Variants in SMYD3 observed in about 807,000 individuals in gnomAD.
SMYD3 encodes the protein histone-lysine N-methyltransferase SMYD3.
SMYD3 carries 36 observed loss-of-function variants against 57.7 expected under a neutral mutation model. That is an observed-to-expected ratio of 0.62 (90% CI 0.48 to 0.82). The LOEUF (loss-of-function observed/expected upper bound fraction) is 0.82. Among genes scored for constraint, SMYD3 ranks in the 40% least tolerant of loss-of-function variants. The pLI is 0.00. For missense variants in SMYD3, 515 were observed against 538.8 expected, an observed-to-expected ratio of 0.96 and a Z score of 0.44; for synonymous variants, 211 against 195.0, an observed-to-expected ratio of 1.08 and a Z score of -0.68.
chr1:246,279,830 C>T (rs1184444234), intron 5 of SMYD3, among the ~76,000 whole-genome samples: 2 of 152,122 alleles, frequency 1.3e-5, no homozygotes, highest in Admixed American at 6.5e-5. Flanking sequence ...ATCCTTAAGG[C>T]GTCTTCCAGG....
chr1:246,198,803 C>T (rs10924543), intron 5 of SMYD3, among the ~76,000 whole-genome samples: 48 of 152,274 alleles, frequency 3.2e-4, no homozygotes, highest in African/African-American at 1.1e-3. Flanking sequence ...GTGGCACCTA[C>T]TTTTTAATAT....
intron 1 of SMYD3, among the ~76,000 whole-genome samples, chr1:246,372,107 A>C (rs1237921312): frequency 6.6e-6 from 1 of 152,242 alleles, no homozygotes; most frequent in Non-Finnish European, 1.5e-5. Flanking sequence ...AGAGGCCTTA[A>C]GAGACATGGA....
intron 5 of SMYD3, among the ~76,000 whole-genome samples, chr1:246,086,842 C>T (rs1270421304): frequency 2.6e-5 from 4 of 151,846 alleles, no homozygotes; most frequent in African/African-American, 9.7e-5. Context: ...GGTATTAAGC[C>T]CAACACACAT....
chr1:245,911,496 C>CATAT (rs34832589), intron 8 of SMYD3, among the ~76,000 whole-genome samples: 26,450 of 149,314 alleles, frequency 0.18, 3,053 homozygotes, highest in East Asian at 0.48. Flanking sequence ...AAAAAAATGC[C>CATAT]ATATATATAT....
chr1:245,989,215 CTCT>C (rs1331093491), intron 5 of SMYD3, among the ~76,000 whole-genome samples: 1 of 152,106 alleles, frequency 6.6e-6, no homozygotes, highest in African/African-American at 2.4e-5. Context: ...GTCCCCCTTT[CTCT>C]TCTTAAGAAA....
At chr1:246,323,935 GAC>G (rs2065293026) in intron 5 of SMYD3, among the ~76,000 whole-genome samples, 1 of 152,010 alleles carries the variant, frequency 6.6e-6, no homozygotes, top group Non-Finnish European at 1.5e-5. Flanking sequence ...TATTAAAAAT[GAC>G]AGATATAAAA....
chr1:245,827,384 G>A (rs1350224066), intron 10 of SMYD3, among the ~76,000 whole-genome samples: 7 of 152,160 alleles, frequency 4.6e-5, no homozygotes, highest in Admixed American at 4.6e-4. Flanking sequence ...CTACAGAGCT[G>A]GGGTGATGCC....
In SMYD3 at chr1:245,822,098, G is replaced by A. The variant is rs920241255; in HGVS notation, c.1076+36398C>T. On this transcript the variant is annotated intron_variant, in intron 10 of 11. Transcript: ENST00000490107. The stretch of plus-strand genomic sequence containing the variant: ...TGCTGCTATAAAGACACATGCACAC[G>A]TATGTTTATTGCGGCATTATTCACA... Among the ~76,000 whole-genome samples, 13 of 152,174 alleles carry A rather than the reference G, an allele frequency of 8.5e-5. No homozygotes were observed. The South Asian group carries it at 1.0e-3, about 12-fold the overall frequency.
chr1:245,938,852 C>A (rs1440224807), intron 5 of SMYD3, among the ~76,000 whole-genome samples: 1 of 152,206 alleles, frequency 6.6e-6, no homozygotes, highest in Non-Finnish European at 1.5e-5. Flanking sequence ...ACTGCCCCTA[C>A]ACCGCTTCAG....
chr1:246,391,236 A>G (rs1246473179), intron 1 of SMYD3, among the ~76,000 whole-genome samples: 2 of 151,368 alleles, frequency 1.3e-5, no homozygotes, highest in Non-Finnish European at 2.9e-5. Context: ...AAAAAAAAAA[A>G]AGGCACAGTG....
chr1:246,404,872 G>GA (rs2066835103), intron 1 of SMYD3, among the ~76,000 whole-genome samples: 1 of 152,040 alleles, frequency 6.6e-6, no homozygotes, highest in Non-Finnish European at 1.5e-5. Context: ...AAAGTGCTTT[G>GA]GGCAGTCCTG....
At chr1:245,776,656 G>T (rs1290139564) in intron 10 of SMYD3, among the ~76,000 whole-genome samples, 2 of 152,198 alleles carry the variant, frequency 1.3e-5, no homozygotes, top group African/African-American at 4.8e-5. Flanking sequence ...TCATAGGATG[G>T]GTTTCCATAG....
In SMYD3 at chr1:245,749,379, C is replaced by T. The variant is rs761010615; in HGVS notation, c.*184G>A. 27 of 498,514 alleles carry T rather than the reference C, an allele frequency of 5.4e-5. No homozygotes were observed. The highest frequency in any genetic ancestry group is 9.8e-5 in the African/African-American group (5 of 51,218). 30.9% of individuals were successfully genotyped at this position (498,514 alleles called of 1,614,324 possible). ...CCAAATGTTTTGAATTTATTATAAT[C>T]GTGCTTCTCTACAACTAATGATTCT... On this transcript the variant is annotated 3_prime_UTR_variant, in exon 12 of 12. Transcript: ENST00000490107.
chr1:246,249,607 A>G (rs1283261832), intron 5 of SMYD3, among the ~76,000 whole-genome samples: 4 of 151,922 alleles, frequency 2.6e-5, no homozygotes, highest in African/African-American at 9.7e-5. Flanking sequence ...ATTTTCAATT[A>G]AGGTTATATT....
intron 1 of SMYD3, among the ~76,000 whole-genome samples, chr1:246,453,541 T>G (rs1312456477): frequency 6.6e-6 from 1 of 152,196 alleles, no homozygotes; most frequent in Non-Finnish European, 1.5e-5. Context: ...ATAGTTCCTA[T>G]TTGAATAAAA....
Position 246,002,266 on chromosome 1 carries a change from G to T in SMYD3, c.532-72329C>A, listed in dbSNP as rs570588006. Among the ~76,000 whole-genome samples, 162 of 136,614 alleles carry T rather than the reference G, an allele frequency of 1.2e-3. 1 individual carries two copies. The highest frequency in any genetic ancestry group is 3.6e-3 in the African/African-American group (138 of 38,162). The allele number at this position is 136,614 out of a possible 152,430, so 89.6% of individuals were successfully genotyped here. A position where few individuals can be genotyped will look rare whatever the true frequency, so the allele number is the denominator to read the frequency against. On this transcript the variant is annotated intron_variant, in intron 5 of 11. Coordinates refer to ENST00000490107, the MANE Select transcript of SMYD3 (RefSeq NM_001167740.2). Reference sequence around the variant, plus strand: ...GTGGCGCGATCTCGGCTCACTGCAAGCTCCGCCTCCCGGGTTCACGCCATT... The same window carrying T: ...GTGGCGCGATCTCGGCTCACTGCAATCTCCGCCTCCCGGGTTCACGCCATT...
At chr1:245,837,927 G>C (rs970974648) in intron 10 of SMYD3, among the ~76,000 whole-genome samples, 8 of 152,190 alleles carry the variant, frequency 5.3e-5, no homozygotes, top group Non-Finnish European at 1.2e-4. Context: ...GAAGTCAACG[G>C]CATAACACAA....
intron 1 of SMYD3, among the ~76,000 whole-genome samples, chr1:246,430,620 G>A (rs1281365594): frequency 3.9e-5 from 6 of 152,136 alleles, no homozygotes; most frequent in South Asian, 4.1e-4. Flanking sequence ...GGGGCTTGTG[G>A]GACATCTAGG....
chr1:245,860,458 C>T (rs1468297787), intron 9 of SMYD3, among the ~76,000 whole-genome samples: 1 of 152,188 alleles, frequency 6.6e-6, no homozygotes, highest in Admixed American at 6.5e-5. Flanking sequence ...TGAACTTTCA[C>T]AGCAAATGTA....
Sources: allele counts gnomAD v4.1 joint callset (sites outside exome capture counted in the v4.1 genomes callset), GRCh38; gene constraint gnomAD v4.1.1; transcripts MANE v1.5; gene names NCBI Gene and HGNC (gene_info 2026-07-23, HGNC 2026-07-21).